PALS1: variants seen among roughly 807,000 people sequenced by gnomAD.
PALS1 encodes protein associated with LIN7 1, MAGUK p55 family member.
Under a neutral mutation model 78.9 loss-of-function variants are expected in PALS1, and 31 were observed. The ratio of observed to expected loss-of-function variants is 0.39; its 90% confidence interval spans 0.30 to 0.53. The LOEUF (loss-of-function observed/expected upper bound fraction) is 0.53, where lower values mean the gene tolerates loss of function less well. Among genes scored for constraint, PALS1 ranks in the 20% least tolerant of loss-of-function variants. The probability of loss-of-function intolerance (pLI) is 0.67; values close to 1 mark genes in which losing one functional copy is unlikely to be tolerated. For missense variants in PALS1, 704 were observed against 826.5 expected, an observed-to-expected ratio of 0.85 and a Z score of 1.82; for synonymous variants, 276 against 270.9, an observed-to-expected ratio of 1.02 and a Z score of -0.18.
chr14:67,320,340 G>A lies in PALS1; in HGVS notation c.1480G>A (p.Glu494Lys). Residue 494 changes from glutamate to lysine, a missense_variant, in exon 12 of 15, where the codon GAA (glutamate) becomes AAA (lysine). By Grantham distance (56) the Glu-to-Lys change is moderately conservative. Transcript: ENST00000261681. Reference sequence around the variant, plus strand: ...TGGTCCACAGAACTGTGGCCAGAATGAATTGCGTCAGAGGCTCATGAACAA... The same window carrying A: ...TGGTCCACAGAACTGTGGCCAGAATAAATTGCGTCAGAGGCTCATGAACAA... ...LIGPQNCGQNELRQRLMNKEK... is the reference protein window; with the variant it reads ...LIGPQNCGQNKLRQRLMNKEK... The A allele has an allele frequency of 6.2e-7, 1 of 1,613,328 alleles. No homozygotes were observed. The highest frequency in any genetic ancestry group is 1.1e-5 in the South Asian group (1 of 90,920).
At chr14:67,292,919 C>G (rs1173244700) in intron 4 of PALS1, among the ~76,000 whole-genome samples, 200 bp downstream of exon 4, 1 of 152,100 alleles carries the variant, frequency 6.6e-6, no homozygotes, top group Non-Finnish European at 1.5e-5. Flanking sequence ...AGTCAGAACA[C>G]TGTTTCATGA....
At chr14:67,332,171 C>G (rs138124333) in intron 14 of PALS1, among the ~76,000 whole-genome samples, 1 of 152,128 alleles carries the variant, frequency 6.6e-6, no homozygotes, top group African/African-American at 2.4e-5. Flanking sequence ...ACCCATGTGC[C>G]TGATAATTAG....
At chr14:67,250,192 A>G (rs772232425) in intron 1 of PALS1, among the ~76,000 whole-genome samples, 6 of 151,966 alleles carry the variant, frequency 3.9e-5, no homozygotes, top group Non-Finnish European at 5.9e-5. Context: ...TCAGCCACCC[A>G]CTCTTCCTTC....
intron 3 of PALS1, among the ~76,000 whole-genome samples, chr14:67,285,079 T>C (rs2084665641): frequency 6.6e-6 from 1 of 152,152 alleles, no homozygotes; most frequent in Non-Finnish European, 1.5e-5. Context: ...TGGAAACTGA[T>C]GTAATTTCCT....
chr14:67,273,522 T>G (rs1233852671), intron 2 of PALS1, among the ~76,000 whole-genome samples: 1 of 152,218 alleles, frequency 6.6e-6, no homozygotes, highest in African/African-American at 2.4e-5. Context: ...TAGTCTATCA[T>G]TGATGGACAT....
At chr14:67,288,512 A>G (rs896032706) in intron 3 of PALS1, among the ~76,000 whole-genome samples, 1 of 152,194 alleles carries the variant, frequency 6.6e-6, no homozygotes, top group African/African-American at 2.4e-5. Flanking sequence ...TTACGAAGAA[A>G]ATTGTTTTAA....
In PALS1 at chr14:67,332,809, G is replaced by C. The variant is rs751306389; in HGVS notation, c.1881G>C (p.Lys627Asn). 1 of 1,613,304 alleles carries C rather than the reference G, an allele frequency of 6.2e-7. No homozygotes were observed. Among genetic ancestry groups the C allele is most frequent in the South Asian group, 1.1e-5 (1 of 91,014 alleles). The change falls in exon 15 of 15, where the codon AAG becomes AAC. Residue 627 changes from lysine (K) to asparagine (N), a missense_variant. Physicochemically the swap from Lys to Asn is moderately conservative, Grantham distance 94 (BLOSUM62 0). Coordinates refer to ENST00000261681, the MANE Select transcript of PALS1 (RefSeq NM_022474.4). ...KPEELREIIE[K>N]TREMEQNNGH... ...AAGAGTTGAGAGAAATCATTGAGAA[G>C]ACAAGAGAGATGGAGCAGAACAATG...
In PALS1 at chr14:67,320,861, C is replaced by T. The variant is rs539150016; in HGVS notation, c.1538-196C>T. Reference sequence around the variant, plus strand: ...GATAAATATAACTATTACTAAGATACTACAAACTCATTTTTGTTCATTTTT... The same window carrying T: ...GATAAATATAACTATTACTAAGATATTACAAACTCATTTTTGTTCATTTTT... On this transcript the variant is annotated intron_variant, in intron 12 of 14. Coordinates refer to ENST00000261681, the MANE Select transcript of PALS1 (RefSeq NM_022474.4). 1.9e-3 allele frequency among the ~76,000 whole-genome samples: 290 copies of T among 152,178 alleles called. 2 individuals carry two copies. Among genetic ancestry groups the T allele is most frequent in the Middle Eastern group, 3.4e-3 (1 of 294 alleles).
chr14:67,260,564 G>A (rs1475856892), intron 1 of PALS1, among the ~76,000 whole-genome samples: 1 of 152,176 alleles, frequency 6.6e-6, no homozygotes, highest in African/African-American at 2.4e-5. Flanking sequence ...AGGGTAGTTT[G>A]TAGAGGAGAG....
At chr14:67,307,842 C>T (rs1387308289) in intron 8 of PALS1, among the ~76,000 whole-genome samples, 1 of 151,754 alleles carries the variant, frequency 6.6e-6, no homozygotes, top group African/African-American at 2.4e-5. Context: ...AAATGCCCAT[C>T]GATGATAGAT....
At chr14:67,273,443 G>C (rs1416862049) in intron 2 of PALS1, among the ~76,000 whole-genome samples, 1 of 152,114 alleles carries the variant, frequency 6.6e-6, no homozygotes, top group Admixed American at 6.5e-5. Flanking sequence ...CCCTACAAAG[G>C]ACATGAACTC....
rs768975326 is a variant in PALS1 at position 67,312,664 on chromosome 14, C to T, written c.1179C>T (p.Tyr393=). 2 of 1,612,682 alleles carry T rather than the reference C, an allele frequency of 1.2e-6. No homozygotes were observed. Among genetic ancestry groups the T allele is most frequent in the Non-Finnish European group, 1.7e-6 (2 of 1,179,226 alleles). ...AAGATCCAAACTGGTGGCAGGCCTACAGGGAAGGGGACGAAGATAATCAAC... is the reference window on the plus strand; with the variant it reads ...AAGATCCAAACTGGTGGCAGGCCTATAGGGAAGGGGACGAAGATAATCAAC... ...SQEDPNWWQA[Y]REGDEDNQPL... Residue 393 remains tyrosine, a synonymous_variant, in exon 9 of 15, where the codon TAC becomes TAT. Transcript: ENST00000261681.
At chr14:67,261,654 T>C (rs79970481) in intron 1 of PALS1, among the ~76,000 whole-genome samples, 4,019 of 152,284 alleles carry the variant, frequency 0.026, 79 homozygotes, top group Middle Eastern at 0.058. Context: ...TTTTATATTG[T>C]TGTAGGAAAC....
intron 4 of PALS1, 54 bp from the exon 5 acceptor site, chr14:67,301,335 G>T: frequency 8.7e-7 from 1 of 1,152,400 alleles, no homozygotes; most frequent in Non-Finnish European, 1.3e-6. Flanking sequence ...GCATACAGGT[G>T]CTACTGATAC....
At chr14:67,300,681 T>C (rs1004824824) in intron 4 of PALS1, among the ~76,000 whole-genome samples, 1 of 152,044 alleles carries the variant, frequency 6.6e-6, no homozygotes, top group Non-Finnish European at 1.5e-5. Context: ...GTAGGTGCCA[T>C]TCTAAAGATA....
intron 8 of PALS1, among the ~76,000 whole-genome samples, chr14:67,311,790 C>T (rs562994839): frequency 3.2e-4 from 48 of 152,096 alleles, no homozygotes; most frequent in African/African-American, 1.2e-3. Flanking sequence ...TAACTTGTAC[C>T]GTTAATAATA....
chr14:67,312,851 T>G (rs2140951059), intron 9 of PALS1, 141 bp downstream of exon 9: 2 of 616,316 alleles, frequency 3.2e-6, no homozygotes, highest in South Asian at 7.3e-5. Flanking sequence ...GTTTTTATGT[T>G]GTACCTGCAG....
intron 7 of PALS1, 113 bp downstream of exon 7, chr14:67,302,684 G>A: frequency 1.2e-6 from 1 of 827,078 alleles, no homozygotes; most frequent in Non-Finnish European, 1.7e-6. Context: ...TTTCTAGCCT[G>A]ATTTTTCCAT....
chr14:67,328,953 C>T (rs2085400842), intron 14 of PALS1, among the ~76,000 whole-genome samples: 1 of 152,064 alleles, frequency 6.6e-6, no homozygotes, highest in African/African-American at 2.4e-5. Context: ...GTTGTCTTGG[C>T]AATGCAGGCT....
Sources: gnomAD v4.1 joint callset for allele counts (sites outside exome capture counted in the v4.1 genomes callset) on GRCh38, gnomAD v4.1.1 for gene constraint, MANE v1.5 for transcripts, NCBI Gene and HGNC (gene_info 2026-07-23, HGNC 2026-07-21) for gene names.